Variants in POLE2 observed in about 807,000 individuals in gnomAD.
POLE2 encodes the protein DNA polymerase epsilon subunit 2.
POLE2 carries 56 observed loss-of-function variants against 79.4 expected under a neutral mutation model. That is an observed-to-expected ratio of 0.71 (90% CI 0.57 to 0.88). POLE2 has a LOEUF of 0.88. Ranked by LOEUF, POLE2 falls within the 40% of genes least tolerant of loss-of-function variation. The pLI is 0.00. For synonymous variants in POLE2, 212 were observed against 214.0 expected (o/e 0.99, Z 0.08); for missense variants, 598 against 638.9 (o/e 0.94, Z 0.69).
In POLE2 at chr14:49,678,000, TTTA is replaced by T. The variant is rs200565060; in HGVS notation, c.245+1722_245+1724del. 1.2e-3 allele frequency: 140 copies of T among 112,508 alleles called. 2 individuals carry two copies. The East Asian group carries it at 0.013, about 11-fold the overall frequency. The allele number at this position is 112,508 out of a possible 1,614,324, so 7.0% of individuals were successfully genotyped here. A position where few individuals can be genotyped will look rare whatever the true frequency, so the allele number is the denominator to read the frequency against. ...TCTTTCTTTATTTTATTTTATTTAT[TTTA>T]TTTTTTTTTTTTTGAGAGACAAGTC... On this transcript the variant is annotated intron_variant, in intron 3 of 18. Coordinates refer to ENST00000216367, the MANE Select transcript of POLE2 (RefSeq NM_002692.4).
intron 10 of POLE2, among the ~76,000 whole-genome samples, chr14:49,660,533 C>G (rs1247583698): frequency 1.3e-5 from 2 of 151,720 alleles, no homozygotes; most frequent in Non-Finnish European, 2.9e-5. Context: ...GACTCAACTA[C>G]TTTTCCAATG....
chr14:49,656,963 A>G (rs1393228588), intron 10 of POLE2, among the ~76,000 whole-genome samples: 1 of 152,074 alleles, frequency 6.6e-6, no homozygotes, highest in Non-Finnish European at 1.5e-5. Flanking sequence ...AAATGTGAAA[A>G]TTAGCCGGGC....
chr14:49,676,089 T>C (rs1405839100), intron 3 of POLE2, among the ~76,000 whole-genome samples: 1 of 152,114 alleles, frequency 6.6e-6, no homozygotes, highest in Non-Finnish European at 1.5e-5. Flanking sequence ...CCAGGAAAAG[T>C]TACACAATGG....
At chr14:49,646,178 CTTTTA>C (rs1385936332) in intron 18 of POLE2, among the ~76,000 whole-genome samples, 1 of 151,788 alleles carries the variant, frequency 6.6e-6, no homozygotes, top group Non-Finnish European at 1.5e-5. Context: ...TTTATATTCA[CTTTTA>C]TTTTAAATAA....
chr14:49,650,235 A>G lies in POLE2; in HGVS notation c.1497+30T>C, dbSNP rs768285871. ...AAATGCACTCTAATCTTGATAAATA[A>G]TGACTATATAAGATTAACTACATTC... On this transcript the variant is annotated intron_variant, in intron 17 of 18. Transcript: ENST00000216367. 21 of 1,202,090 alleles carry G rather than the reference A, an allele frequency of 1.7e-5. No individual in the cohort carries two copies. In the African/African-American group the frequency reaches 3.0e-4, roughly 17 times the overall value. The allele number at this position is 1,202,090 out of a possible 1,614,324, so 74.5% of individuals were successfully genotyped here.
Position 49,665,127 on chromosome 14 carries a change from G to T in POLE2, c.613C>A (p.Gln205Lys), listed in dbSNP as rs1885385217. ...GATATAGCTTTACTAAGGTCTAGTT[G>T]GACTGTTCCAGTAGGATCTTCCAGA... is the stretch of plus-strand genomic sequence containing the variant. ...FFLEDPTGTVQLDLSKAQFHS... is the reference protein window; with the variant it reads ...FFLEDPTGTVKLDLSKAQFHS... The change falls in exon 8 of 19, where the codon CAA (glutamine) becomes AAA (lysine). Residue 205 changes from glutamine (Q) to lysine (K), a missense_variant. Gln to Lys is a moderately conservative substitution (Grantham distance 53, BLOSUM62 1). Transcript: ENST00000216367. 2.1e-6 allele frequency: 3 copies of T among 1,418,796 alleles called. No individual in the cohort carries two copies. The highest frequency in any genetic ancestry group is 3.0e-6 in the Non-Finnish European group (3 of 1,006,344). The allele number at this position is 1,418,796 out of a possible 1,614,324, so 87.9% of individuals were successfully genotyped here.
intron 18 of POLE2, among the ~76,000 whole-genome samples, chr14:49,645,350 T>A (rs1883689170): frequency 6.6e-6 from 1 of 152,230 alleles, no homozygotes; most frequent in Admixed American, 6.5e-5. Context: ...TTTCTGTGAC[T>A]AATTCCACAA....
At chr14:49,648,603 A>G (rs982302009) in intron 17 of POLE2, among the ~76,000 whole-genome samples, 12 of 152,312 alleles carry the variant, frequency 7.9e-5, no homozygotes, top group African/African-American at 1.7e-4. Context: ...TTTGTCCCTC[A>G]GGGGGACATT....
chr14:49,667,466 C>T (rs903861711), intron 6 of POLE2, among the ~76,000 whole-genome samples: 5 of 151,944 alleles, frequency 3.3e-5, no homozygotes, highest in African/African-American at 9.7e-5. Context: ...TATTAAAGGA[C>T]ATTTAAGTTG....
At chr14:49,645,037 G>A (rs1594617724) in intron 18 of POLE2, among the ~76,000 whole-genome samples, 1 of 95,740 alleles carries the variant, frequency 1.0e-5, no homozygotes, top group East Asian at 2.0e-4. Context: ...GCAAAACTCC[G>A]TCTCACAAAA....
chr14:49,685,870 G>A lies in POLE2; in HGVS notation c.69-2177C>T, dbSNP rs188317022. On this transcript the variant is annotated intron_variant, in intron 1 of 18. Coordinates refer to ENST00000216367, the MANE Select transcript of POLE2 (RefSeq NM_002692.4). Reference sequence around the variant, plus strand: ...TCTCGAATTCCTGACCTCGTGATCCGCCCACCTCAGCCTCCCAAAGTGCTG... The same window carrying A: ...TCTCGAATTCCTGACCTCGTGATCCACCCACCTCAGCCTCCCAAAGTGCTG... 2.4e-3 allele frequency among the ~76,000 whole-genome samples: 366 copies of A among 151,640 alleles called. 1 individual carries two copies. The highest frequency in any genetic ancestry group is 3.8e-3 in the Non-Finnish European group (260 of 67,932).
chr14:49,649,457 T>TC (rs1884042194), intron 17 of POLE2, among the ~76,000 whole-genome samples: 1 of 147,852 alleles, frequency 6.8e-6, no homozygotes, highest in Non-Finnish European at 1.5e-5. Context: ...ATATTTCTTT[T>TC]CTTTTTTTTT....
chr14:49,671,900 G>A (rs1448022336), intron 5 of POLE2, among the ~76,000 whole-genome samples: 2 of 152,152 alleles, frequency 1.3e-5, no homozygotes, highest in East Asian at 3.8e-4. Context: ...GTTACAGTGA[G>A]CCAAGTTTGC....
At chr14:49,650,716 C>G (rs1161924090) in intron 16 of POLE2, among the ~76,000 whole-genome samples, 1 of 152,154 alleles carries the variant, frequency 6.6e-6, no homozygotes, top group Non-Finnish European at 1.5e-5. Flanking sequence ...CTCAAGCAAG[C>G]CACCCAAAGT....
intron 10 of POLE2, among the ~76,000 whole-genome samples, chr14:49,662,129 T>C (rs1411854229): frequency 6.6e-6 from 1 of 152,146 alleles, no homozygotes; most frequent in Admixed American, 6.6e-5. Flanking sequence ...CAAATAGAGG[T>C]GAGCTTGGCT....
At chr14:49,652,004 A>G (rs1347431522) in intron 15 of POLE2, among the ~76,000 whole-genome samples, 1 of 152,152 alleles carries the variant, frequency 6.6e-6, no homozygotes, top group Non-Finnish European at 1.5e-5. Flanking sequence ...ACGGAGCCAG[A>G]TAACACAGGG....
At chr14:49,683,529 T>C (rs1206892161) in intron 2 of POLE2, 64 bp downstream of exon 2, 2 of 740,080 alleles carry the variant, frequency 2.7e-6, no homozygotes, top group Non-Finnish European at 4.7e-6. Flanking sequence ...TTTAAATCTA[T>C]ACATCTAACT....
At chr14:49,651,437 G>A in intron 15 of POLE2, 60 bp from the exon 16 acceptor site, 1 of 731,798 alleles carries the variant, frequency 1.4e-6, no homozygotes, top group South Asian at 1.9e-5. Context: ...TAATTTTAAA[G>A]GTAAAATCTC....
intron 9 of POLE2, among the ~76,000 whole-genome samples, chr14:49,663,951 G>A (rs1327401625): frequency 6.6e-6 from 1 of 151,904 alleles, no homozygotes; most frequent in Non-Finnish European, 1.5e-5. Flanking sequence ...GCAGGAGAAT[G>A]GTGTGAACCC....
Sources: gnomAD v4.1 joint callset for allele counts (sites outside exome capture counted in the v4.1 genomes callset) on GRCh38, gnomAD v4.1.1 for gene constraint, MANE v1.5 for transcripts, NCBI Gene and HGNC (gene_info 2026-07-23, HGNC 2026-07-21) for gene names.